The following PTPRT variants were observed in gnomAD, a reference collection of about 807,000 sequenced individuals.
PTPRT encodes the protein protein tyrosine phosphatase receptor type T, also known as receptor-type tyrosine-protein phosphatase T.
A neutral mutation model predicts 176.8 loss-of-function variants in PTPRT; 56 were observed. The ratio of observed to expected loss-of-function variants is 0.32; its 90% confidence interval spans 0.26 to 0.40. The LOEUF (loss-of-function observed/expected upper bound fraction) is 0.40, where lower values mean the gene tolerates loss of function less well. Ranked by LOEUF, PTPRT falls within the 10% of genes least tolerant of loss-of-function variation. PTPRT has a pLI of 1.00. For missense variants in PTPRT, 1,540 were observed against 1,908.2 expected, an observed-to-expected ratio of 0.81 and a Z score of 3.60; for synonymous variants, 783 against 739.0, an observed-to-expected ratio of 1.06 and a Z score of -0.96.
chr20:42,629,293 T>G (rs2074358965), intron 7 of PTPRT, among the ~76,000 whole-genome samples: 1 of 152,110 alleles, frequency 6.6e-6, no homozygotes, highest in Admixed American at 6.5e-5. Flanking sequence ...AGTAATTACA[T>G]TAGTTTCTAA....
intron 2 of PTPRT, among the ~76,000 whole-genome samples, chr20:42,844,885 C>G (rs1217953803): frequency 6.6e-6 from 1 of 152,194 alleles, no homozygotes; most frequent in Non-Finnish European, 1.5e-5. Context: ...CCTGCCATTC[C>G]ATGACTCTCT....
At chr20:42,748,068 A>G (rs1395502064) in intron 6 of PTPRT, among the ~76,000 whole-genome samples, 1 of 152,022 alleles carries the variant, frequency 6.6e-6, no homozygotes, top group African/African-American at 2.4e-5. Context: ...ATAAAGTTTT[A>G]TTGGCACATA....
At chr20:42,651,064 C>T (rs774287596) in intron 7 of PTPRT, among the ~76,000 whole-genome samples, 9 of 151,840 alleles carry the variant, frequency 5.9e-5, no homozygotes, top group South Asian at 2.1e-4. Flanking sequence ...TTATTTTACA[C>T]GTGTAATTAA....
At chr20:43,006,734 T>C (rs1355664167) in intron 1 of PTPRT, among the ~76,000 whole-genome samples, 3 of 152,218 alleles carry the variant, frequency 2.0e-5, no homozygotes, top group Non-Finnish European at 4.4e-5. Flanking sequence ...AAATTACTAT[T>C]GGTCCTACAG....
At chr20:42,668,764 T>A (rs1156554310) in intron 7 of PTPRT, among the ~76,000 whole-genome samples, 1 of 150,300 alleles carries the variant, frequency 6.7e-6, no homozygotes. Flanking sequence ...CAATCTCGGC[T>A]CACTGCAAGC....
At chr20:42,996,850 G>T (rs1032595535) in intron 1 of PTPRT, among the ~76,000 whole-genome samples, 9 of 152,120 alleles carry the variant, frequency 5.9e-5, no homozygotes, top group African/African-American at 1.9e-4. Context: ...TGTAAAATGG[G>T]AACAATAGTA....
chr20:42,505,800 G>T (rs527327385), intron 7 of PTPRT, among the ~76,000 whole-genome samples: 3 of 152,154 alleles, frequency 2.0e-5, no homozygotes, highest in Non-Finnish European at 4.4e-5. Flanking sequence ...AAGGACATAT[G>T]GTTTACAATC....
chr20:43,094,242 C>A (rs1185703674), intron 1 of PTPRT, among the ~76,000 whole-genome samples: 1 of 147,018 alleles, frequency 6.8e-6, no homozygotes, highest in Non-Finnish European at 1.5e-5. Flanking sequence ...CCTGCACCAT[C>A]ACGCCCAGCT....
chr20:42,788,439 C>T (rs952471314), intron 3 of PTPRT, among the ~76,000 whole-genome samples: 1 of 152,150 alleles, frequency 6.6e-6, no homozygotes, highest in African/African-American at 2.4e-5. Context: ...CTGCTCTCTT[C>T]CTAACTTTCC....
chr20:42,870,539 T>C (rs953038963), intron 2 of PTPRT, among the ~76,000 whole-genome samples: 4 of 152,370 alleles, frequency 2.6e-5, no homozygotes, highest in African/African-American at 4.8e-5. Flanking sequence ...CATAATGGTG[T>C]TTCCGTCAAT....
intron 7 of PTPRT, among the ~76,000 whole-genome samples, chr20:42,514,799 T>C (rs996900701): frequency 3.9e-5 from 6 of 152,208 alleles, no homozygotes; most frequent in African/African-American, 1.4e-4. Flanking sequence ...AAATCAATTA[T>C]TCTATCGCTA....
At chr20:42,739,962 C>A (rs1240671655) in intron 6 of PTPRT, among the ~76,000 whole-genome samples, 1 of 152,186 alleles carries the variant, frequency 6.6e-6, no homozygotes, top group African/African-American at 2.4e-5. Context: ...TCCTGGAGGG[C>A]CTGGGTTCAC....
chr20:42,254,910 C>T (rs2056611330), intron 13 of PTPRT, among the ~76,000 whole-genome samples: 1 of 152,092 alleles, frequency 6.6e-6, no homozygotes, highest in Non-Finnish European at 1.5e-5. Context: ...AACTTGGTTC[C>T]CCTTAATTCC....
In PTPRT at chr20:42,201,975, G is replaced by GTGTA. The variant is rs1555800843; in HGVS notation, c.2343-2591_2343-2588dup. On this transcript the variant is annotated intron_variant, in intron 15 of 30. Transcript: ENST00000373187. ...CGTGTGTGTGTGTGTGTGTGTGTGT[G>GTGTA]TGTATGTATGTGTGGACAGTGTCTT... is the stretch of plus-strand genomic sequence containing the variant. Among the ~76,000 whole-genome samples, 91 of 151,416 alleles carry GTGTA rather than the reference G, an allele frequency of 6.0e-4. No individual in the cohort carries two copies. The East Asian group carries it at 0.014, about 23-fold the overall frequency.
intron 18 of PTPRT, among the ~76,000 whole-genome samples, chr20:42,141,271 T>C (rs1415211354): frequency 1.3e-5 from 2 of 152,172 alleles, no homozygotes; most frequent in Non-Finnish European, 2.9e-5. Flanking sequence ...ACTCTGTCTC[T>C]CATACTATAG....
chr20:43,081,894 T>C (rs1307083850), intron 1 of PTPRT, among the ~76,000 whole-genome samples: 1 of 152,252 alleles, frequency 6.6e-6, no homozygotes, highest in Non-Finnish European at 1.5e-5. Context: ...TTTACCACTA[T>C]AATTCCTCCA....
At chr20:42,350,235 T>TG (rs1568799613) in intron 11 of PTPRT, among the ~76,000 whole-genome samples, 27 of 145,406 alleles carry the variant, frequency 1.9e-4, no homozygotes, top group South Asian at 4.5e-4. Context: ...TTTTTTTTTT[T>TG]TTTTTTTTTT....
intron 1 of PTPRT, among the ~76,000 whole-genome samples, chr20:43,177,521 C>G (rs2015150141): frequency 6.6e-6 from 1 of 152,168 alleles, no homozygotes; most frequent in Non-Finnish European, 1.5e-5. Context: ...CCTAGAATCC[C>G]AGGTGGAACA....
chr20:42,982,022 G>A (rs879494253), intron 1 of PTPRT, among the ~76,000 whole-genome samples: 1 of 152,178 alleles, frequency 6.6e-6, no homozygotes, highest in Admixed American at 6.5e-5. Flanking sequence ...ATCCCAATAA[G>A]TCCCTAAACT....
Sources: gnomAD v4.1 joint callset for allele counts (sites outside exome capture counted in the v4.1 genomes callset) on GRCh38, gnomAD v4.1.1 for gene constraint, MANE v1.5 for transcripts, NCBI Gene and HGNC (gene_info 2026-07-23, HGNC 2026-07-21) for gene names.